Variants in MBLAC2 observed in about 807,000 individuals in gnomAD.
MBLAC2 encodes the protein acyl-coenzyme A thioesterase MBLAC2.
A neutral mutation model predicts 23.3 loss-of-function variants in MBLAC2; 24 were observed. The observed-to-expected ratio is 1.03, with a 90% CI of 0.75 to 1.45. MBLAC2 has a LOEUF of 1.45. MBLAC2 is among the 40% of genes most tolerant of loss of function. The probability of loss-of-function intolerance (pLI) is 0.00; values close to 1 mark genes in which losing one functional copy is unlikely to be tolerated. For missense variants in MBLAC2, 358 were observed against 370.0 expected (o/e 0.97, Z 0.27); for synonymous variants, 162 against 150.9 (o/e 1.07, Z -0.54).
chr5:90,463,564 A>G (rs1294180908), intron 1 of MBLAC2, among the ~76,000 whole-genome samples: 2 of 152,226 alleles, frequency 1.3e-5, no homozygotes, highest in Non-Finnish European at 2.9e-5. Context: ...CAAAATCAAA[A>G]CATATCAAAA....
intron 1 of MBLAC2, among the ~76,000 whole-genome samples, chr5:90,462,122 A>G (rs1332554342): frequency 6.6e-6 from 1 of 152,200 alleles, no homozygotes; most frequent in Non-Finnish European, 1.5e-5. Flanking sequence ...ATGCTCTAAT[A>G]TGTGAGTAAT....
At chr5:90,470,650 C>T (rs540414002) in intron 1 of MBLAC2, among the ~76,000 whole-genome samples, 2 of 151,912 alleles carry the variant, frequency 1.3e-5, no homozygotes, top group Non-Finnish European at 2.9e-5. Context: ...TTTCTAATTT[C>T]CTACCTGGGT....
chr5:90,474,167 C>T lies in MBLAC2; in HGVS notation c.126G>A (p.Val42=), dbSNP rs1255728891. ...GCAGCCCCAGGCCTGTATCGATCAC[C>T]ACGTCCTGCTCGGAGCCGCGCACCA... ...IWLVRGSEQD[V]VIDTGLGLRS... The change falls in exon 1 of 2, where the codon GTG becomes GTA. Residue 42 remains valine, a synonymous_variant. Transcript: ENST00000316610. 1 of 1,602,042 alleles carries T rather than the reference C, an allele frequency of 6.2e-7. No individual in the cohort carries two copies. Among genetic ancestry groups the T allele is most frequent in the East Asian group, 2.2e-5 (1 of 44,480 alleles).
At chr5:90,462,264 T>A (rs1440170570) in intron 1 of MBLAC2, among the ~76,000 whole-genome samples, 1 of 152,188 alleles carries the variant, frequency 6.6e-6, no homozygotes, top group Non-Finnish European at 1.5e-5. Flanking sequence ...TGGAGCAACA[T>A]GGGTGGAAAA....
chr5:90,467,606 G>A (rs182241465), intron 1 of MBLAC2, among the ~76,000 whole-genome samples: 1 of 152,136 alleles, frequency 6.6e-6, no homozygotes. Context: ...CAGAAACTTG[G>A]TTGGTGAATT....
Position 90,474,361 on chromosome 5 carries a change from A to T in MBLAC2, c.-69T>A. On this transcript the variant is annotated 5_prime_UTR_variant, in exon 1 of 2. Coordinates refer to ENST00000316610, the MANE Select transcript of MBLAC2 (RefSeq NM_203406.2). ...AGTCTCCCACAGGCTGTCCACACACAGGGCACTGCGGCTGTGTGAAGCGGT... is the reference window on the plus strand; with the variant it reads ...AGTCTCCCACAGGCTGTCCACACACTGGGCACTGCGGCTGTGTGAAGCGGT... 1 of 1,414,532 alleles carries T rather than the reference A, an allele frequency of 7.1e-7. No homozygotes were observed. Among genetic ancestry groups the T allele is most frequent in the Non-Finnish European group, 9.9e-7 (1 of 1,012,860 alleles). The allele number at this position is 1,414,532 out of a possible 1,614,324, so 87.6% of individuals were successfully genotyped here. A position where few individuals can be genotyped will look rare whatever the true frequency, so the allele number is the denominator to read the frequency against.
In MBLAC2 at chr5:90,470,785, C is replaced by CACAAA. The variant is rs3220210; in HGVS notation, c.454+3053_454+3054insTTTGT. On this transcript the variant is annotated intron_variant, in intron 1 of 1. Transcript: ENST00000316610. Reference sequence around the variant, plus strand: ...ACACACACACACACACACACACACACGCTTTCTTTCTCCTGTTTTCCATAC... The same window carrying CACAAA: ...ACACACACACACACACACACACACACACAAAGCTTTCTTTCTCCTGTTTTCCATAC... Among the ~76,000 whole-genome samples the CACAAA allele has an allele frequency of 1.1e-4, 17 of 148,184 alleles. No individual in the cohort carries two copies. In the East Asian group the frequency reaches 2.5e-3, roughly 21 times the overall value.
chr5:90,471,897 A>T (rs1351481070), intron 1 of MBLAC2: 1 of 152,230 alleles, frequency 6.6e-6, no homozygotes, highest in Non-Finnish European at 1.5e-5. Flanking sequence ...TAACACGGAT[A>T]ACACAGTACT....
chr5:90,464,688 A>C (rs1207060721), intron 1 of MBLAC2, among the ~76,000 whole-genome samples: 1 of 152,220 alleles, frequency 6.6e-6, no homozygotes, highest in Non-Finnish European at 1.5e-5. Flanking sequence ...TAAATAGGAA[A>C]ATGACCAAGT....
chr5:90,464,849 C>T (rs1218741636), intron 1 of MBLAC2, among the ~76,000 whole-genome samples: 1 of 152,136 alleles, frequency 6.6e-6, no homozygotes, highest in Non-Finnish European at 1.5e-5. Context: ...ATGATAAAAA[C>T]TTCCAGCAAA....
rs1313343722 is a variant in MBLAC2, at chr5:90,459,517, A to C, written c.*1650T>G. The C allele has an allele frequency of 6.6e-6, 1 of 152,136 alleles. No individual in the cohort carries two copies. The highest frequency in any genetic ancestry group is 2.4e-5 in the African/African-American group (1 of 41,446). 9.4% of individuals were successfully genotyped at this position (152,136 alleles called of 1,614,324 possible). ...TTTTGTTTCCAACTCTGACTATCTA[A>C]CAAGTTCATCCTTCCAAATTTGACT... On this transcript the variant is annotated 3_prime_UTR_variant, in exon 2 of 2. Transcript: ENST00000316610.
At chr5:90,473,739 TCC>T in intron 1 of MBLAC2, 98 bp downstream of exon 1, 1 of 1,190,766 alleles carries the variant, frequency 8.4e-7, no homozygotes, top group Non-Finnish European at 1.2e-6. Flanking sequence ...GCCAAAATAA[TCC>T]CCTTTATGGC....
intron 1 of MBLAC2, chr5:90,471,649 A>G (rs1369536152): frequency 6.6e-6 from 1 of 152,240 alleles, no homozygotes; most frequent in Non-Finnish European, 1.5e-5. Context: ...AAATGATTTC[A>G]GCTCCTTGCA....
At chr5:90,464,207 TC>T (rs1219994767) in intron 1 of MBLAC2, among the ~76,000 whole-genome samples, 1 of 152,118 alleles carries the variant, frequency 6.6e-6, no homozygotes, top group East Asian at 1.9e-4. Flanking sequence ...ATAAAGACTT[TC>T]AGAATACAGA....
Position 90,461,502 on chromosome 5 carries a change from C to G in MBLAC2, c.505G>C (p.Gly169Arg), listed in dbSNP as rs146375737. The change falls in exon 2 of 2, where the codon GGT becomes CGT. Residue 169 changes from glycine to arginine, a missense_variant. By Grantham distance (125) the Gly-to-Arg change is moderately radical. Transcript: ENST00000316610. ...DRQLTVMHMP[G>R]HSRGSICLHD... ...AAGCAAATACTGCCCCTGGAGTGAC[C>G]TGGCATGTGCATAACAGTGAGCTGT... 2.8e-5 allele frequency: 45 copies of G among 1,613,796 alleles called. No homozygotes were observed. The highest frequency in any genetic ancestry group is 3.6e-5 in the Non-Finnish European group (42 of 1,179,900).
chr5:90,473,567 G>C, intron 1 of MBLAC2: 1 of 646,654 alleles, frequency 1.5e-6, no homozygotes, highest in Non-Finnish European at 2.7e-6. Context: ...GCCGATGCAG[G>C]AAAGTGGCTA....
chr5:90,467,059 C>T (rs1158533518), intron 1 of MBLAC2, among the ~76,000 whole-genome samples: 8 of 152,180 alleles, frequency 5.3e-5, no homozygotes, highest in Admixed American at 6.5e-5. Flanking sequence ...ATCGCTTGAA[C>T]TTGGGAGGCA....
At position 90,458,989 on chromosome 5, in the gene MBLAC2, T is replaced by G. The variant is rs1382759840; in HGVS notation, c.*2178A>C. 1 of 152,580 alleles carries G rather than the reference T, an allele frequency of 6.6e-6. No homozygotes were observed. Among genetic ancestry groups the G allele is most frequent in the Non-Finnish European group, 1.5e-5 (1 of 67,998 alleles). 9.5% of individuals were successfully genotyped at this position (152,580 alleles called of 1,614,324 possible). A position where few individuals can be genotyped will look rare whatever the true frequency, so the allele number is the denominator to read the frequency against. On this transcript the variant is annotated 3_prime_UTR_variant, in exon 2 of 2. Coordinates refer to ENST00000316610, the MANE Select transcript of MBLAC2 (RefSeq NM_203406.2). Reference sequence around the variant, plus strand: ...TTATAAATAAATCCTTCAGCAGGTTTAAATATTTCCTAATAAAACTTAGTG... The same window carrying G: ...TTATAAATAAATCCTTCAGCAGGTTGAAATATTTCCTAATAAAACTTAGTG...
chr5:90,468,417 C>T (rs1334027602), intron 1 of MBLAC2, among the ~76,000 whole-genome samples: 16 of 151,686 alleles, frequency 1.1e-4, no homozygotes, highest in South Asian at 4.1e-4. Context: ...TCGTCTTTGA[C>T]GGATTGGGTT....
Sources: gnomAD v4.1 joint callset for allele counts (sites outside exome capture counted in the v4.1 genomes callset) on GRCh38, gnomAD v4.1.1 for gene constraint, MANE v1.5 for transcripts, NCBI Gene and HGNC (gene_info 2026-07-23, HGNC 2026-07-21) for gene names.